Variants in SPOCK3 observed in about 807,000 individuals in gnomAD.
SPOCK3 encodes the protein testican-3.
In SPOCK3, 30 loss-of-function variants were observed where a neutral mutation model predicts 56.6. The ratio of observed to expected loss-of-function variants is 0.53; its 90% CI spans 0.40 to 0.72. The LOEUF (loss-of-function observed/expected upper bound fraction) is 0.72, where lower values mean the gene tolerates loss of function less well. SPOCK3 is among the 30% of genes least tolerant of loss of function. SPOCK3 has a pLI of 0.00. For missense variants in SPOCK3, 527 were observed against 530.0 expected (o/e 0.99, Z 0.06); for synonymous variants, 196 against 183.3 (o/e 1.07, Z -0.56).
intron 2 of SPOCK3, among the ~76,000 whole-genome samples, chr4:167,064,863 G>A (rs934025408): frequency 2.6e-5 from 4 of 151,438 alleles, no homozygotes; most frequent in Non-Finnish European, 5.9e-5. Context: ...CTGGAATAAA[G>A]GAGGTGCTAA....
At chr4:167,204,779 G>A (rs992915569) in intron 2 of SPOCK3, among the ~76,000 whole-genome samples, 1 of 151,694 alleles carries the variant, frequency 6.6e-6, no homozygotes, top group African/African-American at 2.4e-5. Flanking sequence ...GGGGTGGGGG[G>A]CGACGGGTCT....
chr4:166,775,851 A>T (rs1422207139), intron 7 of SPOCK3, among the ~76,000 whole-genome samples: 1 of 152,216 alleles, frequency 6.6e-6, no homozygotes, highest in Non-Finnish European at 1.5e-5. Flanking sequence ...CAAACACTGT[A>T]AAGAGTGGGG....
chr4:166,776,231 G>A (rs1276830072), intron 7 of SPOCK3, among the ~76,000 whole-genome samples: 1 of 152,076 alleles, frequency 6.6e-6, no homozygotes, highest in Non-Finnish European at 1.5e-5. Context: ...TGGCCAACAT[G>A]ATGAAACTCC....
At chr4:166,802,336 T>C (rs930518730) in intron 6 of SPOCK3, among the ~76,000 whole-genome samples, 6 of 152,094 alleles carry the variant, frequency 3.9e-5, no homozygotes, top group African/African-American at 1.4e-4. Flanking sequence ...GATCAGCATG[T>C]CTTTGGCCTG....
At chr4:167,107,192 A>T (rs1760239432) in intron 2 of SPOCK3, among the ~76,000 whole-genome samples, 1 of 151,984 alleles carries the variant, frequency 6.6e-6, no homozygotes, top group South Asian at 2.1e-4. Context: ...AGACAAAGAT[A>T]CATAAGTAAA....
chr4:166,770,275 G>A (rs531216891), intron 7 of SPOCK3, among the ~76,000 whole-genome samples: 9 of 152,242 alleles, frequency 5.9e-5, no homozygotes, highest in East Asian at 1.9e-4. Context: ...CTTCTGTGTC[G>A]CTCACACTGG....
At chr4:166,841,008 G>A (rs932293616) in intron 6 of SPOCK3, among the ~76,000 whole-genome samples, 1 of 151,828 alleles carries the variant, frequency 6.6e-6, no homozygotes, top group Admixed American at 6.6e-5. Flanking sequence ...TCGATCTCCT[G>A]ACCTCATGAT....
At chr4:166,977,556 T>C (rs1746096035) in intron 4 of SPOCK3, among the ~76,000 whole-genome samples, 2 of 151,704 alleles carry the variant, frequency 1.3e-5, no homozygotes, top group Admixed American at 6.6e-5. Flanking sequence ...ATTCCAGAAA[T>C]GTTTTTCTCT....
intron 2 of SPOCK3, among the ~76,000 whole-genome samples, chr4:167,076,156 A>G (rs1757161651): frequency 1.3e-5 from 2 of 152,066 alleles, no homozygotes; most frequent in East Asian, 3.9e-4. Context: ...GGGGAGAAGA[A>G]TGAGGCAGAG....
chr4:166,821,204 A>T (rs535469316), intron 6 of SPOCK3, among the ~76,000 whole-genome samples: 44 of 152,252 alleles, frequency 2.9e-4, no homozygotes, highest in African/African-American at 1.0e-3. Flanking sequence ...TCTGATAAGC[A>T]CATGGAAAGA....
chr4:166,930,800 TA>T (rs1739659048), intron 4 of SPOCK3, among the ~76,000 whole-genome samples: 1 of 152,212 alleles, frequency 6.6e-6, no homozygotes, highest in African/African-American at 2.4e-5. Flanking sequence ...ACATTTTTAA[TA>T]AGATTCCTAA....
intron 2 of SPOCK3, among the ~76,000 whole-genome samples, chr4:167,230,614 T>G (rs537755420): frequency 6.6e-6 from 1 of 152,000 alleles, no homozygotes; most frequent in Middle Eastern, 3.4e-3. Context: ...ATAACCTAAG[T>G]AAAGCATGCT....
chr4:167,144,731 A>AT (rs1763799281), intron 2 of SPOCK3, among the ~76,000 whole-genome samples: 1 of 150,264 alleles, frequency 6.7e-6, no homozygotes, highest in South Asian at 2.1e-4. Flanking sequence ...AGGAAAAAAA[A>AT]AAAAACCTTA....
At chr4:166,796,128 C>T (rs1237159938) in intron 6 of SPOCK3, among the ~76,000 whole-genome samples, 1 of 152,156 alleles carries the variant, frequency 6.6e-6, no homozygotes, top group Non-Finnish European at 1.5e-5. Context: ...CCTGATCTTG[C>T]ACTTCCAGTC....
intron 2 of SPOCK3, among the ~76,000 whole-genome samples, chr4:167,198,006 T>C (rs1733131252): frequency 6.6e-6 from 1 of 152,076 alleles, no homozygotes; most frequent in Non-Finnish European, 1.5e-5. Flanking sequence ...AGAGTGTGCC[T>C]TCTATTCTTT....
At chr4:166,745,131 C>T (rs1735417792) in intron 8 of SPOCK3, among the ~76,000 whole-genome samples, 1 of 152,124 alleles carries the variant, frequency 6.6e-6, no homozygotes, top group Non-Finnish European at 1.5e-5. Context: ...TCAGGATATA[C>T]AGAGAACACC....
chr4:167,143,746 T>C (rs1002656242), intron 2 of SPOCK3, among the ~76,000 whole-genome samples: 2 of 152,018 alleles, frequency 1.3e-5, no homozygotes, highest in Non-Finnish European at 2.9e-5. Context: ...GTTCAGGCAC[T>C]GCTCACCACC....
intron 3 of SPOCK3, among the ~76,000 whole-genome samples, chr4:167,025,643 G>C (rs186604747): frequency 6.6e-6 from 1 of 152,128 alleles, no homozygotes; most frequent in East Asian, 1.9e-4. Context: ...TTCAGACCAA[G>C]AGTGTGTTAT....
intron 3 of SPOCK3, among the ~76,000 whole-genome samples, chr4:167,054,021 G>A (rs1441172274): frequency 2.6e-5 from 4 of 152,122 alleles, no homozygotes; most frequent in African/African-American, 7.2e-5. Context: ...AAGTAGGGAC[G>A]CTCCAAGTTC....
Sources: gnomAD v4.1 joint callset for allele counts (sites outside exome capture counted in the v4.1 genomes callset) on GRCh38, gnomAD v4.1.1 for gene constraint, MANE v1.5 for transcripts, NCBI Gene and HGNC (gene_info 2026-07-23, HGNC 2026-07-21) for gene names.